Variants in XRN1 observed in about 807,000 individuals in gnomAD.
XRN1 encodes the protein 5'-3' exoribonuclease 1.
In XRN1, 67 loss-of-function variants were observed where a neutral mutation model predicts 222.3. The ratio of observed to expected loss-of-function variants is 0.30; its 90% CI spans 0.25 to 0.37. XRN1 has a LOEUF of 0.37. Ranked by LOEUF, XRN1 falls within the 10% of genes least tolerant of loss-of-function variation. XRN1 has a pLI of 1.00. For synonymous variants in XRN1, 643 were observed against 652.4 expected (o/e 0.99, Z 0.22); for missense variants, 1,707 against 2,000.2 (o/e 0.85, Z 2.80).
At position 142,447,770 on chromosome 3, in the gene XRN1, G is replaced by A. The variant is rs2070591502; in HGVS notation, c.75+100C>T. 7.4e-7 allele frequency: 1 copy of A among 1,348,948 alleles called. No homozygotes were observed. Among genetic ancestry groups the A allele is most frequent in the Non-Finnish European group, 1.0e-6 (1 of 968,610 alleles). 83.6% of individuals were successfully genotyped at this position (1,348,948 alleles called of 1,614,324 possible). On this transcript the variant is annotated intron_variant, in intron 1 of 40. Transcript: ENST00000392981. This position sits in a 1 kb window ranked among gnomAD's most constrained non-coding sequence, Gnocchi z 4.2. ...TAATGCCACTAATCGTCCAGACGAC[G>A]AGGGGAAAGAGGTGGCTCGAAAGCC... is the stretch of plus-strand genomic sequence containing the variant.
rs372819812 is a variant in XRN1, at chr3:142,383,406, C to T, written c.2510G>A (p.Arg837Gln). 254 of 1,610,880 alleles carry T rather than the reference C, an allele frequency of 1.6e-4. No homozygotes were observed. Among genetic ancestry groups the T allele is most frequent in the Middle Eastern group, 3.3e-4 (2 of 6,080 alleles). ...ATTGGAGAAACGGGAGTCGAAAGCT[C>T]GGATGTCCTACATAAAATAAAAGTA... ...FVYQTIVKDI[R>Q]AFDSRFSNIK... Residue 837 changes from arginine to glutamine, a missense_variant, in exon 22 of 41, where the codon CGA (arginine) becomes CAA (glutamine). Arg to Gln is a conservative substitution (Grantham distance 43). Around this residue, in one of 2 missense-constraint regions of XRN1, gnomAD observed 1,234 missense variants for 1,518.2 expected, o/e 0.81. Coordinates refer to ENST00000392981, the MANE Select transcript of XRN1 (RefSeq NM_001282857.2).
intron 32 of XRN1, among the ~76,000 whole-genome samples, chr3:142,352,809 A>G (rs2066346634): frequency 6.6e-6 from 1 of 151,996 alleles, no homozygotes; most frequent in African/African-American, 2.4e-5. Flanking sequence ...CACCTGATTG[A>G]TTTTTTGTAT....
At chr3:142,394,937 T>C (rs1281166621) in intron 20 of XRN1, among the ~76,000 whole-genome samples, 1 of 152,236 alleles carries the variant, frequency 6.6e-6, no homozygotes, top group African/African-American at 2.4e-5. Context: ...TGGAAATATT[T>C]CATGTATATG....
In XRN1 at chr3:142,370,476, A is replaced by G. The variant is rs1256708736; in HGVS notation, c.3204+9T>C. The stretch of plus-strand genomic sequence containing the variant: ...CTCATCAATAATCTTGGTTACTGAA[A>G]GTTAGTACCTTGCACTTTTCGACTT... On this transcript the variant is annotated intron_variant, in intron 27 of 40. Coordinates refer to ENST00000392981, the MANE Select transcript of XRN1 (RefSeq NM_001282857.2). 1 of 1,596,762 alleles carries G rather than the reference A, an allele frequency of 6.3e-7. No homozygotes were observed. The highest frequency in any genetic ancestry group is 1.4e-5 in the African/African-American group (1 of 73,920).
At chr3:142,437,185 A>G (rs2069952487) in intron 1 of XRN1, among the ~76,000 whole-genome samples, 1 of 152,212 alleles carries the variant, frequency 6.6e-6, no homozygotes, top group East Asian at 1.9e-4. Context: ...TTACATTGGC[A>G]AGTTAGAAAT....
rs1191680706 is a variant in XRN1 at position 142,310,047 on chromosome 3, A to G, written c.*1464T>C. ...CGACTATGATAAATGACAGATAATG[A>G]ATATTTCTCTCTTATACTGAAGGCA... On this transcript the variant is annotated 3_prime_UTR_variant, in exon 41 of 41. Transcript: ENST00000392981. The G allele has an allele frequency of 6.6e-6, 1 of 152,656 alleles. No homozygotes were observed. Among genetic ancestry groups the G allele is most frequent in the Non-Finnish European group, 1.5e-5 (1 of 68,048 alleles). 9.5% of individuals were successfully genotyped at this position (152,656 alleles called of 1,614,324 possible).
At chr3:142,432,580 T>G (rs187663697) in intron 2 of XRN1, 81 bp downstream of exon 2, 1 of 1,242,396 alleles carries the variant, frequency 8.0e-7, no homozygotes, top group African/African-American at 1.5e-5. Flanking sequence ...GAACAGAAGA[T>G]TGTGTTAAAT....
intron 30 of XRN1, among the ~76,000 whole-genome samples, chr3:142,357,745 T>C (rs2066501948): frequency 1.3e-5 from 2 of 149,150 alleles, no homozygotes; most frequent in Middle Eastern, 3.2e-3. Context: ...TCTTAAAAAC[T>C]GTGGAGCGGG....
chr3:142,404,057 T>G, intron 16 of XRN1, 68 bp from the exon 17 acceptor site: 1 of 1,328,212 alleles, frequency 7.5e-7, no homozygotes, highest in Non-Finnish European at 1.1e-6. Flanking sequence ...TTTTTAACTT[T>G]CCCTTGTATA....
chr3:142,341,238 T>C (rs1337459075), intron 33 of XRN1, among the ~76,000 whole-genome samples: 1 of 152,126 alleles, frequency 6.6e-6, no homozygotes, highest in African/African-American at 2.4e-5. Context: ...CTTAAAATAA[T>C]GGGTTATAAG....
rs1164242837 is a variant in XRN1, at chr3:142,431,894, T to A, written c.308+767A>T. On this transcript the variant is annotated intron_variant, in intron 2 of 40. Transcript: ENST00000392981. Reference sequence around the variant, plus strand: ...ATTATATTATATATATTATATATAATATATATATTATATATATAAATATAT... The same window carrying A: ...ATTATATTATATATATTATATATAAAATATATATTATATATATAAATATAT... 7.2e-3 allele frequency among the ~76,000 whole-genome samples: 234 copies of A among 32,620 alleles called. 5 individuals are homozygous for A. The highest frequency in any genetic ancestry group is 0.036 in the African/African-American group (230 of 6,396). The allele number at this position is 32,620 out of a possible 152,430, so 21.4% of individuals were successfully genotyped here. A position where few individuals can be genotyped will look rare whatever the true frequency, so the allele number is the denominator to read the frequency against.
chr3:142,416,193 G>T (rs1577397210), intron 13 of XRN1, among the ~76,000 whole-genome samples: 1 of 151,682 alleles, frequency 6.6e-6, no homozygotes, highest in African/African-American at 2.4e-5. Context: ...TTATTTATTT[G>T]AGAGACAGAG....
At chr3:142,372,503 T>A (rs2067018082) in intron 25 of XRN1, among the ~76,000 whole-genome samples, 1 of 152,200 alleles carries the variant, frequency 6.6e-6, no homozygotes, top group Non-Finnish European at 1.5e-5. Context: ...CAAACTGGGA[T>A]GGCCCTTCAG....
chr3:142,418,007 T>A (rs1212396706), intron 12 of XRN1: 1 of 152,598 alleles, frequency 6.6e-6, no homozygotes, highest in Non-Finnish European at 1.5e-5. Flanking sequence ...TCTAGGTTTT[T>A]TTAAGGTTAA....
intron 16 of XRN1, among the ~76,000 whole-genome samples, chr3:142,404,213 TA>T (rs1017478093): frequency 2.0e-5 from 3 of 152,188 alleles, no homozygotes; most frequent in Non-Finnish European, 2.9e-5. Flanking sequence ...TTTTCCCCAT[TA>T]ATCTAAAACA....
rs775532951 is a variant in XRN1 at position 142,376,549 on chromosome 3, G to T, written c.2761C>A (p.Leu921Ile). 6.2e-7 allele frequency: 1 copy of T among 1,613,126 alleles called. No individual in the cohort carries two copies. Among genetic ancestry groups the T allele is most frequent in the Non-Finnish European group, 8.5e-7 (1 of 1,179,450 alleles). Residue 921 changes from leucine (L) to isoleucine (I), a missense_variant, in exon 24 of 41, where the codon CTT becomes ATT. This residue lies in a region of XRN1 where 1,234 missense variants were observed against 1,518.2 expected (regional missense o/e 0.81). Coordinates refer to ENST00000392981, the MANE Select transcript of XRN1 (RefSeq NM_001282857.2). ...GAAACAAGGTATCCACTCACTCCAA[G>T]GCGACTGGCCAACACATATCCTGGG... ...YNPGYVLASR[L>I]GVSGYLVSRF...
chr3:142,377,928 A>C (rs2067190445), intron 23 of XRN1, among the ~76,000 whole-genome samples: 1 of 152,170 alleles, frequency 6.6e-6, no homozygotes, highest in Non-Finnish European at 1.5e-5. Flanking sequence ...CTGCTGTCTA[A>C]ATTTGTTCTT....
chr3:142,425,992 G>A (rs2069232064), intron 3 of XRN1, among the ~76,000 whole-genome samples: 1 of 151,258 alleles, frequency 6.6e-6, no homozygotes, highest in Admixed American at 6.6e-5. Context: ...TTATTAATTT[G>A]GAACCTGAGT....
chr3:142,356,982 C>A lies in XRN1; in HGVS notation c.3602G>T (p.Ser1201Ile), dbSNP rs976997488. 4 of 1,614,042 alleles carry A rather than the reference C, an allele frequency of 2.5e-6. No individual in the cohort carries two copies. The highest frequency in any genetic ancestry group is 3.4e-6 in the Non-Finnish European group (4 of 1,179,970). The change falls in exon 31 of 41, where the codon AGT becomes ATT. Residue 1201 changes from serine (S) to isoleucine (I), a missense_variant. This residue lies in a region of XRN1 where 1,234 missense variants were observed against 1,518.2 expected (regional missense o/e 0.81). Transcript: ENST00000392981. ...PQPAVHQHSS[S>I]SSVSSGHLGA... ...CAAATGCCCAGAGGAAACTGATGAACTTGAGCTATGTTGATGTACAGCTGG... is the reference window on the plus strand; with the variant it reads ...CAAATGCCCAGAGGAAACTGATGAAATTGAGCTATGTTGATGTACAGCTGG...
Sources: allele counts gnomAD v4.1 joint callset (sites outside exome capture counted in the v4.1 genomes callset), GRCh38; gene constraint gnomAD v4.1.1; regional missense constraint gnomAD v4.1.1; non-coding constraint Gnocchi (gnomAD v3.1); transcripts MANE v1.5; gene names NCBI Gene and HGNC (gene_info 2026-07-23, HGNC 2026-07-21).